The following CCN6 variants were observed in gnomAD, a reference collection of about 807,000 sequenced individuals.
CCN6 encodes the protein CCN family member 6.
Under a neutral mutation model 37.4 loss-of-function variants are expected in CCN6, and 31 were observed. The observed-to-expected ratio is 0.83, with a 90% confidence interval of 0.62 to 1.12. The LOEUF is 1.12. Among genes scored for constraint, CCN6 ranks in the 50% most tolerant of loss-of-function variants. CCN6 has a pLI of 0.00. For missense variants in CCN6, 369 were observed against 413.8 expected, an observed-to-expected ratio of 0.89 and a Z score of 0.94; for synonymous variants, 137 against 142.1, an observed-to-expected ratio of 0.96 and a Z score of 0.26.
intron 3 of CCN6, chr6:112,067,016 T>C (rs1430388383): frequency 4.4e-6 from 6 of 1,366,294 alleles, no homozygotes; most frequent in African/African-American, 3.0e-5. Context: ...GTCTTTAAAC[T>C]GTTGTCTACC....
intron 2 of CCN6, among the ~76,000 whole-genome samples, chr6:112,063,018 GA>G (rs1476098208): frequency 2.0e-5 from 3 of 152,192 alleles, no homozygotes; most frequent in African/African-American, 4.8e-5. Flanking sequence ...ACGTTTTTAT[GA>G]AAAAACATGT....
At chr6:112,062,397 C>T (rs1185956454) in intron 2 of CCN6, among the ~76,000 whole-genome samples, 5 of 152,094 alleles carry the variant, frequency 3.3e-5, no homozygotes, top group African/African-American at 1.2e-4. Flanking sequence ...TTCATTAAAC[C>T]AACAAACACT....
At chr6:112,066,861 T>C in intron 3 of CCN6, 1 of 849,230 alleles carries the variant, frequency 1.2e-6, no homozygotes, top group Non-Finnish European at 1.7e-6. Context: ...AAATCTCTTC[T>C]AGTTTTCTTG....
rs1554314715 is a variant in CCN6 at position 112,069,415 on chromosome 6, G to C, written c.860G>C (p.Ser287Thr). 6.2e-7 allele frequency: 1 copy of C among 1,613,704 alleles called. No individual in the cohort carries two copies. The highest frequency in any genetic ancestry group is 8.5e-7 in the Non-Finnish European group (1 of 1,179,880). ...AEKFVFSGCS[S>T]TQSYKPTFCG... The stretch of plus-strand genomic sequence containing the variant: ...AAATTTGTCTTTTCTGGATGCTCAA[G>C]TACTCAGAGTTACAAACCCACTTTT... Residue 287 changes from serine to threonine, a missense_variant, in exon 5 of 5, where the codon AGT (serine) becomes ACT (threonine). Coordinates refer to ENST00000368666, the MANE Select transcript of CCN6 (RefSeq NM_198239.2).
chr6:112,066,910 G>A (rs954487827), intron 3 of CCN6: 10 of 1,274,392 alleles, frequency 7.8e-6, no homozygotes, highest in East Asian at 9.7e-5. Context: ...TACAGCTGTC[G>A]GTTTAACAAG....
At chr6:112,060,914 TG>T in intron 1 of CCN6, 76 bp from the exon 2 acceptor site, 1 of 1,561,558 alleles carries the variant, frequency 6.4e-7, no homozygotes, top group South Asian at 1.1e-5. Context: ...ACTACCTGTT[TG>T]GGGGAAATCT....
At chr6:112,056,093 A>G (rs1776340830) in intron 1 of CCN6, among the ~76,000 whole-genome samples, 2 of 152,206 alleles carry the variant, frequency 1.3e-5, no homozygotes, top group South Asian at 4.1e-4. Context: ...TTTGCTGTTG[A>G]AAACAATCAA....
upstream of CCN6, among the ~76,000 whole-genome samples, chr6:112,053,606 A>G (rs1406218024): frequency 6.6e-6 from 1 of 151,582 alleles, no homozygotes; most frequent in Non-Finnish European, 1.5e-5. Flanking sequence ...GGTTAACTTC[A>G]TTGTCATCTG....
At chr6:112,054,482 A>C in intron 1 of CCN6, 77 bp downstream of exon 1, 36 of 1,358,478 alleles carry the variant, frequency 2.7e-5, no homozygotes, top group Non-Finnish European at 2.8e-5. Flanking sequence ...AACTAAACAA[A>C]ACGAAGATGG....
chr6:112,062,319 A>T (rs1206018370), intron 2 of CCN6, among the ~76,000 whole-genome samples: 2 of 152,196 alleles, frequency 1.3e-5, no homozygotes, highest in Non-Finnish European at 2.9e-5. Flanking sequence ...GAATCCTATA[A>T]TGAAAACATG....
At position 112,054,260 on chromosome 6, in the gene CCN6, T is replaced by G. The variant is rs966693225; in HGVS notation, c.-98T>G. The G allele has an allele frequency of 6.5e-7, 1 of 1,543,428 alleles. No homozygotes were observed. Among genetic ancestry groups the G allele is most frequent in the African/African-American group, 1.4e-5 (1 of 73,328 alleles). ...GTGTGTGTTCTTGTGCAGAGGAGCG[T>G]GGGGTTTGCAGAGGAGACAGGGGAG... On this transcript the variant is annotated 5_prime_UTR_variant, in exon 1 of 5. Transcript: ENST00000368666.
rs1554314690 is a variant in CCN6 at position 112,069,344 on chromosome 6, C to G, written c.789C>G (p.Pro263=). 5 of 1,612,788 alleles carry G rather than the reference C, an allele frequency of 3.1e-6. No individual in the cohort carries two copies. The highest frequency in any genetic ancestry group is 3.4e-6 in the Non-Finnish European group (4 of 1,179,706). ...DSNILKTIKI[P]KGKTCQPTFQ... ...CATTTTATCTATCTTTTCAGATTCC[C>G]AAAGGAAAAACATGCCAACCTACTT... Residue 263 remains proline (P), a synonymous_variant, in exon 5 of 5, where the codon CCC becomes CCG. Transcript: ENST00000368666.
chr6:112,060,124 G>T, intron 1 of CCN6: 2 of 1,348,446 alleles, frequency 1.5e-6, no homozygotes, highest in Non-Finnish European at 2.0e-6. Flanking sequence ...AATATGGGGA[G>T]GGGGGACCAC....
chr6:112,065,140 C>G, intron 3 of CCN6, 143 bp downstream of exon 3: 1 of 1,335,770 alleles, frequency 7.5e-7, no homozygotes, highest in Non-Finnish European at 1.1e-6. Flanking sequence ...TTTACTTAAT[C>G]TTTGCCTCAG....
intron 2 of CCN6, among the ~76,000 whole-genome samples, chr6:112,063,004 A>G (rs1433429390): frequency 6.6e-6 from 1 of 152,192 alleles, no homozygotes; most frequent in Non-Finnish European, 1.5e-5. Context: ...GATTAATAAG[A>G]ATAACGTTTT....
At chr6:112,066,848 A>T (rs1554314070) in intron 3 of CCN6, 1 of 737,732 alleles carries the variant, frequency 1.4e-6, no homozygotes, top group Non-Finnish European at 2.0e-6. Flanking sequence ...AGCTTTGTTT[A>T]AAAAATCTCT....
chr6:112,068,465 T>A, intron 4 of CCN6, 67 bp downstream of exon 4: 1 of 1,403,210 alleles, frequency 7.1e-7, no homozygotes. Flanking sequence ...CATGTGTGTG[T>A]TTTGGAGGGT....
intron 4 of CCN6, among the ~76,000 whole-genome samples, chr6:112,069,007 G>A (rs1291581408): frequency 6.6e-6 from 1 of 152,118 alleles, no homozygotes; most frequent in Non-Finnish European, 1.5e-5. Flanking sequence ...TCTGGGCTGT[G>A]TTATGGAATT....
At chr6:112,067,351 T>C (rs1776728442) in intron 3 of CCN6, among the ~76,000 whole-genome samples, 1 of 152,124 alleles carries the variant, frequency 6.6e-6, no homozygotes, top group South Asian at 2.1e-4. Context: ...TTGCTTAAAA[T>C]GAGCCAAGGG....
Sources: gnomAD v4.1 joint callset for allele counts (sites outside exome capture counted in the v4.1 genomes callset) on GRCh38, gnomAD v4.1.1 for gene constraint, MANE v1.5 for transcripts, NCBI Gene and HGNC (gene_info 2026-07-23, HGNC 2026-07-21) for gene names.